The following SYNE1 variants were observed in gnomAD, a reference collection of about 807,000 sequenced individuals.
SYNE1 encodes nesprin-1.
A neutral mutation model predicts 1,111.0 loss-of-function variants in SYNE1; 616 were observed. The observed-to-expected ratio is 0.55, with a 90% CI of 0.52 to 0.59. The LOEUF is 0.59. SYNE1 is among the 20% of genes least tolerant of loss of function. The pLI is 0.00. For missense variants in SYNE1, 10,006 were observed against 10,417.0 expected, an observed-to-expected ratio of 0.96 and a Z score of 1.72; for synonymous variants, 3,855 against 3,825.8, an observed-to-expected ratio of 1.01 and a Z score of -0.28.
At chr6:152,270,882 G>A (rs1013245425) in intron 98 of SYNE1, among the ~76,000 whole-genome samples, 1 of 152,222 alleles carries the variant, frequency 6.6e-6, no homozygotes, top group Non-Finnish European at 1.5e-5. Context: ...GATCTAGAGT[G>A]AGGGCATTCA....
chr6:152,325,202 G>A lies in SYNE1; in HGVS notation c.15539C>T (p.Thr5180Ile). The A allele has an allele frequency of 3.7e-6, 6 of 1,614,130 alleles. No homozygotes were observed. The highest frequency in any genetic ancestry group is 4.2e-6 in the Non-Finnish European group (5 of 1,180,026). ...GACGGTGGTCATTGACCTGCTCAGG[G>A]TGGCTTTGCTGGCATCATTTCCGGT... ...EKTGNDASKA[T>I]LSRSMTTVWQ... is the part of the protein sequence containing the mutation. Residue 5180 changes from threonine (T) to isoleucine (I), a missense_variant, in exon 81 of 146, where the codon ACC (threonine) becomes ATC (isoleucine). Physicochemically the swap from Thr to Ile is moderately conservative, Grantham distance 89. This residue lies in a region of SYNE1 where 4,955 missense variants were observed against 5,017.2 expected (regional missense o/e 0.99). Coordinates refer to ENST00000367255, the MANE Select transcript of SYNE1 (RefSeq NM_182961.4).
chr6:152,381,599 TAAAC>T (rs2097418054), intron 55 of SYNE1: 1 of 574,172 alleles, frequency 1.7e-6, no homozygotes, highest in Non-Finnish European at 3.1e-6. Context: ...TGAAACAGAC[TAAAC>T]AGAGACCCTG....
rs145939118 is a variant in SYNE1 at position 152,133,268 on chromosome 6, T to G, written c.26001+8A>C. 1.2e-4 allele frequency: 189 copies of G among 1,613,464 alleles called. 1 individual carries two copies. In the African/African-American group the frequency reaches 1.9e-3, roughly 16 times the overall value. On this transcript the variant is annotated splice_region_variant and intron_variant, in intron 143 of 145. Transcript: ENST00000367255. The stretch of plus-strand genomic sequence containing the variant: ...AATGCTACACGATGATGTCTGTTTA[T>G]TGCTTACCTGCTGACTACTTGACAC...
intron 55 of SYNE1, among the ~76,000 whole-genome samples, chr6:152,384,669 A>T (rs2097493207): frequency 6.6e-6 from 1 of 152,082 alleles, no homozygotes; most frequent in Non-Finnish European, 1.5e-5. Flanking sequence ...TGAGGTCAGG[A>T]GTTTGAGATC....
chr6:152,441,144 G>C lies in SYNE1; in HGVS notation c.4135C>G (p.Leu1379Val). 1.2e-6 allele frequency: 2 copies of C among 1,613,554 alleles called. No individual in the cohort carries two copies. Among genetic ancestry groups the C allele is most frequent in the Non-Finnish European group, 1.7e-6 (2 of 1,179,876 alleles). Residue 1379 changes from leucine to valine, a missense_variant, in exon 32 of 146, where the codon CTG becomes GTG. Coordinates refer to ENST00000367255, the MANE Select transcript of SYNE1 (RefSeq NM_182961.4). ...FSSLESLSSE[L>V]EQTKEFSKRT... ...CCATAATATACCTTTGTTTGTTCCA[G>C]TTCTGAAGATAAACTTTCCAAACTG...
At chr6:152,295,631 CAT>C (rs1448662181) in intron 93 of SYNE1, among the ~76,000 whole-genome samples, 4 of 151,438 alleles carry the variant, frequency 2.6e-5, no homozygotes, top group Middle Eastern at 6.8e-3. Context: ...CACACACACA[CAT>C]ACACACACAA....
At chr6:152,187,724 T>TGA (rs1297707512) in intron 128 of SYNE1, among the ~76,000 whole-genome samples, 1 of 148,982 alleles carries the variant, frequency 6.7e-6, no homozygotes, top group Non-Finnish European at 1.5e-5. Context: ...ACAGTTTGTG[T>TGA]GTGTGAGAGA....
intron 54 of SYNE1, among the ~76,000 whole-genome samples, chr6:152,386,711 G>T (rs2097531134): frequency 6.6e-6 from 1 of 152,094 alleles, no homozygotes; most frequent in Non-Finnish European, 1.5e-5. Context: ...ACGGTAAATA[G>T]ACTTGCATTT....
At chr6:152,326,997 A>G (rs771221575) in intron 78 of SYNE1, among the ~76,000 whole-genome samples, 3 of 152,198 alleles carry the variant, frequency 2.0e-5, no homozygotes, top group South Asian at 2.1e-4. Context: ...CGTTGGTTAG[A>G]AGTATAACAA....
chr6:152,590,099 A>AATTATTATTATTATTATTATT (rs747538908), intron 3 of SYNE1, among the ~76,000 whole-genome samples: 1 of 149,434 alleles, frequency 6.7e-6, no homozygotes, highest in African/African-American at 2.5e-5. Context: ...ACACCTGACT[A>AATTATTATTATTATTATTATT]ATTATTATTA....
intron 124 of SYNE1, among the ~76,000 whole-genome samples, chr6:152,211,129 C>T (rs2077452338): frequency 6.6e-6 from 1 of 152,016 alleles, no homozygotes; most frequent in South Asian, 2.1e-4. Context: ...GCTCCTTTTA[C>T]AAAAAAATTT....
intron 104 of SYNE1, among the ~76,000 whole-genome samples, chr6:152,253,927 T>G (rs1285474193): frequency 6.7e-6 from 1 of 148,350 alleles, no homozygotes; most frequent in Non-Finnish European, 1.5e-5. Flanking sequence ...AAATCTTTCA[T>G]GTTGGTTAAA....
rs12665042 is a variant in SYNE1, at chr6:152,573,167, G to A, written c.68-33146C>T. 7.9e-5 allele frequency among the ~76,000 whole-genome samples: 12 copies of A among 152,144 alleles called. No individual in the cohort carries two copies. In the East Asian group the frequency reaches 2.3e-3, roughly 29 times the overall value. On this transcript the variant is annotated intron_variant, in intron 3 of 145. Transcript: ENST00000367255. Reference sequence around the variant, plus strand: ...ACCTACTTGAGGTCTCTATAGAGGAGGCTGATTTTTTTTTAAATTTTATTA... The same window carrying A: ...ACCTACTTGAGGTCTCTATAGAGGAAGCTGATTTTTTTTTAAATTTTATTA...
chr6:152,477,963 C>T (rs6557231), intron 14 of SYNE1, among the ~76,000 whole-genome samples: 12,223 of 152,132 alleles, frequency 0.08, 1,697 homozygotes, highest in African/African-American at 0.28. Flanking sequence ...GACAGAGTCT[C>T]GCTTTGTTGG....
At chr6:152,440,230 CCA>C (rs2098516200) in intron 32 of SYNE1, among the ~76,000 whole-genome samples, 1 of 152,124 alleles carries the variant, frequency 6.6e-6, no homozygotes, top group Admixed American at 6.6e-5. Flanking sequence ...TCCCATGACC[CCA>C]GTCTTTCACA....
chr6:152,414,020 T>A (rs1031973738), intron 41 of SYNE1, among the ~76,000 whole-genome samples: 5 of 146,680 alleles, frequency 3.4e-5, no homozygotes, highest in East Asian at 2.0e-4. Flanking sequence ...TTTTTTTTTT[T>A]AAACTTAAAT....
chr6:152,437,984 AGCCTAGGT>A (rs1287459306), intron 32 of SYNE1, among the ~76,000 whole-genome samples: 1 of 152,240 alleles, frequency 6.6e-6, no homozygotes, highest in African/African-American at 2.4e-5. Context: ...ACTGCACTCC[AGCCTAGGT>A]GACAGAGTGA....
At chr6:152,619,375 C>T (rs546759758) in intron 3 of SYNE1, among the ~76,000 whole-genome samples, 13 of 152,202 alleles carry the variant, frequency 8.5e-5, no homozygotes, top group Admixed American at 6.6e-4. Context: ...CAGAGTTTTT[C>T]CAGATGCAGA....
At chr6:152,358,664 C>T in intron 65 of SYNE1, 127 bp from the exon 66 acceptor site, 1 of 881,276 alleles carries the variant, frequency 1.1e-6, no homozygotes, top group Non-Finnish European at 1.8e-6. Context: ...GAGTTATTTC[C>T]TAGAATCATG....
Sources: allele counts gnomAD v4.1 joint callset (sites outside exome capture counted in the v4.1 genomes callset), GRCh38; gene constraint gnomAD v4.1.1; regional missense constraint gnomAD v4.1.1; transcripts MANE v1.5; gene names NCBI Gene and HGNC (gene_info 2026-07-23, HGNC 2026-07-21).